Variants in KCNIP4 observed in about 807,000 individuals in gnomAD.
The protein encoded by KCNIP4 is Kv channel-interacting protein 4.
Under a neutral mutation model 34.0 loss-of-function variants are expected in KCNIP4, and 12 were observed. The ratio of observed to expected loss-of-function variants is 0.35; its 90% confidence interval spans 0.23 to 0.57. The LOEUF is 0.57. Ranked by LOEUF, KCNIP4 falls within the 20% of genes least tolerant of loss-of-function variation. KCNIP4 has a pLI of 0.83. For missense variants in KCNIP4, 238 were observed against 311.7 expected (o/e 0.76, Z 1.78); for synonymous variants, 124 against 102.2 (o/e 1.21, Z -1.29).
intron 1 of KCNIP4, among the ~76,000 whole-genome samples, chr4:21,375,076 G>A (rs1007529406): frequency 2.0e-5 from 3 of 147,700 alleles, no homozygotes; most frequent in Non-Finnish European, 4.4e-5. Flanking sequence ...GAGGGTGTGT[G>A]CAAACTTCAT....
intron 1 of KCNIP4, among the ~76,000 whole-genome samples, chr4:21,441,701 T>C (rs2109707275): frequency 6.6e-6 from 1 of 152,342 alleles, no homozygotes; most frequent in African/African-American, 2.4e-5. Flanking sequence ...CTTTCAAATC[T>C]ACTGCACATT....
chr4:21,850,663 C>G (rs545945142), intron 1 of KCNIP4: 3 of 152,054 alleles, frequency 2.0e-5, no homozygotes, highest in Non-Finnish European at 4.4e-5. Context: ...ACAAAAAAAG[C>G]TCATTTAATT....
At chr4:21,312,604 T>G (rs577894990) in intron 1 of KCNIP4, among the ~76,000 whole-genome samples, 1 of 152,238 alleles carries the variant, frequency 6.6e-6, no homozygotes, top group Admixed American at 6.5e-5. Context: ...CTCTGGAAAG[T>G]TTTTTCTTCG....
intron 3 of KCNIP4, 25 bp downstream of exon 3, chr4:20,850,518 G>A (rs1394921237): frequency 1.2e-6 from 2 of 1,609,020 alleles, no homozygotes; most frequent in East Asian, 4.5e-5. Flanking sequence ...TTGTGTGAAG[G>A]TAAAGTCAAA....
At chr4:21,252,627 A>C (rs1209216187) in intron 1 of KCNIP4, among the ~76,000 whole-genome samples, 17 of 152,160 alleles carry the variant, frequency 1.1e-4, no homozygotes, top group Non-Finnish European at 2.5e-4. Flanking sequence ...AAATAATAAA[A>C]AAAGAAGGTG....
chr4:21,315,918 T>C (rs1382174996), intron 1 of KCNIP4, among the ~76,000 whole-genome samples: 1 of 152,178 alleles, frequency 6.6e-6, no homozygotes, highest in Non-Finnish European at 1.5e-5. Context: ...TCAAAACCCC[T>C]ACCAACTTTC....
At chr4:20,940,618 T>A (rs1258907970) in intron 1 of KCNIP4, among the ~76,000 whole-genome samples, 1 of 152,164 alleles carries the variant, frequency 6.6e-6, no homozygotes, top group Non-Finnish European at 1.5e-5. Context: ...TAAGGGATAT[T>A]CTGACTGTTG....
intron 1 of KCNIP4, among the ~76,000 whole-genome samples, chr4:21,071,523 C>T (rs187413718): frequency 1.4e-4 from 21 of 152,162 alleles, no homozygotes; most frequent in Admixed American, 8.5e-4. Flanking sequence ...ACTTTACCTA[C>T]GTTATTATTT....
intron 1 of KCNIP4, among the ~76,000 whole-genome samples, chr4:21,196,306 T>C (rs890720564): frequency 2.0e-5 from 3 of 152,192 alleles, no homozygotes; most frequent in African/African-American, 7.2e-5. Context: ...CTTAATTAAG[T>C]CATTCTATCT....
chr4:21,874,175 A>G (rs1302083367), intron 1 of KCNIP4, among the ~76,000 whole-genome samples: 1 of 152,258 alleles, frequency 6.6e-6, no homozygotes, highest in Non-Finnish European at 1.5e-5. Context: ...TTCGATTACA[A>G]TGTACACAAC....
At chr4:21,585,310 T>C (rs1741528418) in intron 1 of KCNIP4, among the ~76,000 whole-genome samples, 1 of 152,054 alleles carries the variant, frequency 6.6e-6, no homozygotes, top group Non-Finnish European at 1.5e-5. Flanking sequence ...GAACTCTGCT[T>C]CAGATCCCCA....
intron 1 of KCNIP4, among the ~76,000 whole-genome samples, chr4:21,741,483 A>G (rs1716399004): frequency 6.6e-6 from 1 of 152,112 alleles, no homozygotes; most frequent in Non-Finnish European, 1.5e-5. Context: ...TATCTCTGGG[A>G]TGGGCTGGAT....
At chr4:21,086,179 G>A (rs555310861) in intron 1 of KCNIP4, among the ~76,000 whole-genome samples, 1 of 152,180 alleles carries the variant, frequency 6.6e-6, no homozygotes. Context: ...AGTGCCTAAC[G>A]ATTCTATATT....
intron 1 of KCNIP4, among the ~76,000 whole-genome samples, chr4:21,070,359 G>C (rs960010652): frequency 1.3e-5 from 2 of 151,898 alleles, no homozygotes; most frequent in Non-Finnish European, 2.9e-5. Flanking sequence ...GAGTACAGTT[G>C]CTGGGTTGAA....
chr4:21,341,862 G>A (rs964941025), intron 1 of KCNIP4, among the ~76,000 whole-genome samples: 1 of 152,098 alleles, frequency 6.6e-6, no homozygotes, highest in Admixed American at 6.6e-5. Context: ...CTGATTTGGA[G>A]CCTGATATCT....
At chr4:21,114,849 C>G (rs1749555350) in intron 1 of KCNIP4, among the ~76,000 whole-genome samples, 1 of 152,154 alleles carries the variant, frequency 6.6e-6, no homozygotes. Context: ...CTCTTCGACT[C>G]TAAATTCAGA....
At chr4:21,298,634 T>C (rs1231790203) in intron 1 of KCNIP4, among the ~76,000 whole-genome samples, 1 of 152,144 alleles carries the variant, frequency 6.6e-6, no homozygotes, top group African/African-American at 2.4e-5. Context: ...TATTTTCTTT[T>C]CAAATTTTAC....
In KCNIP4 at chr4:21,589,193, T is replaced by C. The variant is rs1281449250; in HGVS notation, c.61+359378A>G. Among the ~76,000 whole-genome samples the C allele has an allele frequency of 9.2e-4, 41 of 44,596 alleles. 3 individuals carry two copies. In the East Asian group the frequency reaches 0.06, roughly 66 times the overall value. 29.3% of individuals were successfully genotyped at this position (44,596 alleles called of 152,430 possible). ...ATATATATATATATATATATATATATATATATATGTGTACATATATAAGTA... is the reference window on the plus strand; with the variant it reads ...ATATATATATATATATATATATATACATATATATGTGTACATATATAAGTA... On this transcript the variant is annotated intron_variant, in intron 1 of 8. Transcript: ENST00000382152.
intron 1 of KCNIP4, among the ~76,000 whole-genome samples, chr4:21,843,175 T>G (rs2109323310): frequency 6.6e-6 from 1 of 152,214 alleles, no homozygotes; most frequent in Non-Finnish European, 1.5e-5. Flanking sequence ...TGTTAAAAGC[T>G]ATTGTTATTT....
Sources: allele counts gnomAD v4.1 joint callset (sites outside exome capture counted in the v4.1 genomes callset), GRCh38; gene constraint gnomAD v4.1.1; transcripts MANE v1.5; gene names NCBI Gene and HGNC (gene_info 2026-07-23, HGNC 2026-07-21).